Variants in ELAPOR2 observed in about 807,000 individuals in gnomAD.
ELAPOR2 encodes endosome/lysosome-associated apoptosis and autophagy regulator family member 2.
A neutral mutation model predicts 120.7 loss-of-function variants in ELAPOR2; 89 were observed. The observed-to-expected ratio is 0.74, with a 90% CI of 0.62 to 0.88. The LOEUF is 0.88. ELAPOR2 is among the 40% of genes least tolerant of loss of function. The pLI, the probability that ELAPOR2 is intolerant of heterozygous loss-of-function variation, is 0.00. For missense variants in ELAPOR2, 1,134 were observed against 1,251.6 expected (o/e 0.91, Z 1.42); for synonymous variants, 444 against 444.9 (o/e 1.00, Z 0.03).
intron 1 of ELAPOR2, among the ~76,000 whole-genome samples, chr7:87,031,802 T>A (rs896752156): frequency 1.3e-5 from 2 of 152,098 alleles, no homozygotes; most frequent in African/African-American, 4.8e-5. Flanking sequence ...AATAGGTATA[T>A]TAAATAACAA....
At chr7:86,993,064 T>C (rs547134609) in intron 1 of ELAPOR2, among the ~76,000 whole-genome samples, 2 of 151,820 alleles carry the variant, frequency 1.3e-5, no homozygotes, top group African/African-American at 2.4e-5. Context: ...GGTGAAACCC[T>C]GTCTCTACTA....
chr7:87,013,167 T>A (rs1208139579), intron 1 of ELAPOR2, among the ~76,000 whole-genome samples: 1 of 152,204 alleles, frequency 6.6e-6, no homozygotes, highest in Non-Finnish European at 1.5e-5. Flanking sequence ...GTCTACTTTA[T>A]ATCACAGTTT....
At position 87,031,040 on chromosome 7, in the gene ELAPOR2, C is replaced by T. The variant is rs575569304; in HGVS notation, c.189+28285G>A. On this transcript the variant is annotated intron_variant, in intron 1 of 21. Transcript: ENST00000450689. Reference sequence around the variant, plus strand: ...ATCGCATGAGACTTATTCACTACCACGAGAACAGTATGGGGAAACCACCCC... The same window carrying T: ...ATCGCATGAGACTTATTCACTACCATGAGAACAGTATGGGGAAACCACCCC... Among the ~76,000 whole-genome samples the T allele has an allele frequency of 9.2e-5, 14 of 152,194 alleles. No individual in the cohort carries two copies. In the East Asian group the frequency reaches 1.5e-3, roughly 17 times the overall value.
chr7:86,987,221 A>G (rs1381503848), intron 1 of ELAPOR2, among the ~76,000 whole-genome samples: 1 of 152,198 alleles, frequency 6.6e-6, no homozygotes, highest in Non-Finnish European at 1.5e-5. Context: ...ATTTAAATGT[A>G]TGATCTAAAA....
At chr7:86,917,136 T>C (rs950112840) in intron 12 of ELAPOR2, among the ~76,000 whole-genome samples, 8 of 151,642 alleles carry the variant, frequency 5.3e-5, no homozygotes, top group Non-Finnish European at 1.0e-4. Flanking sequence ...AAGGATAATT[T>C]TAGTTGGGCG....
rs1799249067 is a variant in ELAPOR2, at chr7:86,878,385, A to T, written c.*2086T>A. 1 of 152,240 alleles carries T rather than the reference A, an allele frequency of 6.6e-6. No individual in the cohort carries two copies. Among genetic ancestry groups the T allele is most frequent in the African/African-American group, 2.4e-5 (1 of 41,462 alleles). 9.4% of individuals were successfully genotyped at this position (152,240 alleles called of 1,614,324 possible). On this transcript the variant is annotated 3_prime_UTR_variant, in exon 22 of 22. Coordinates refer to ENST00000450689, the MANE Select transcript of ELAPOR2 (RefSeq NM_001142749.3). Reference sequence around the variant, plus strand: ...TGCTGACAAAATATATTTAATATCTAAAATTAGAAATAAAATAAATTCTCC... The same window carrying T: ...TGCTGACAAAATATATTTAATATCTTAAATTAGAAATAAAATAAATTCTCC...
chr7:86,890,086 T>C (rs997452181), intron 21 of ELAPOR2, among the ~76,000 whole-genome samples: 70 of 151,810 alleles, frequency 4.6e-4, no homozygotes, highest in African/African-American at 1.5e-3. Flanking sequence ...ATCAGAATGG[T>C]GCATGGAGTG....
chr7:87,052,965 T>C (rs967686907), intron 1 of ELAPOR2, among the ~76,000 whole-genome samples: 4 of 152,028 alleles, frequency 2.6e-5, no homozygotes, highest in Non-Finnish European at 2.9e-5. Flanking sequence ...CCCAGCTGAT[T>C]TTTTTATTTT....
chr7:87,023,874 G>C (rs1288554520), intron 1 of ELAPOR2, among the ~76,000 whole-genome samples: 1 of 152,010 alleles, frequency 6.6e-6, no homozygotes, highest in Admixed American at 6.6e-5. Flanking sequence ...TTTGTCTGTT[G>C]TTGGTGTATA....
intron 1 of ELAPOR2, among the ~76,000 whole-genome samples, chr7:87,054,143 A>C (rs1795195497): frequency 6.6e-6 from 1 of 152,204 alleles, no homozygotes; most frequent in Admixed American, 6.5e-5. Context: ...GAAAGGCAAA[A>C]AGGAAAGAGA....
rs762981487 is a variant in ELAPOR2, at chr7:86,913,138, C to T, written c.1798G>A (p.Val600Met). Residue 600 changes from valine to methionine, a missense_variant, in exon 14 of 22, where the codon GTG becomes ATG. By Grantham distance (21) the Val-to-Met change is conservative. Around this residue, in one of 3 missense-constraint regions of ELAPOR2, gnomAD observed 831 missense variants for 867.6 expected, o/e 0.96. Coordinates refer to ENST00000450689, the MANE Select transcript of ELAPOR2 (RefSeq NM_001142749.3). Reference sequence around the variant, plus strand: ...GCACAGGCACGGCATGAGGACGCCACCCCATCAACTGCATTAGTGGCTGTG... The same window carrying T: ...GCACAGGCACGGCATGAGGACGCCATCCCATCAACTGCATTAGTGGCTGTG... ...SITATNAVDG[V>M]ASSCRACALG... The T allele has an allele frequency of 8.1e-6, 13 of 1,613,886 alleles. No homozygotes were observed. The South Asian group carries it at 1.3e-4, about 16-fold the overall frequency.
chr7:86,993,925 C>T (rs1767695), intron 1 of ELAPOR2, among the ~76,000 whole-genome samples: 57,496 of 151,978 alleles, frequency 0.38, 11,706 homozygotes, highest in African/African-American at 0.53. Flanking sequence ...TTCCTATGAA[C>T]CTATTCAATA....
chr7:87,042,457 C>A (rs1794816940), intron 1 of ELAPOR2, among the ~76,000 whole-genome samples: 1 of 151,346 alleles, frequency 6.6e-6, no homozygotes, highest in Non-Finnish European at 1.5e-5. Flanking sequence ...ATGAGAATCT[C>A]ACTCAAAACC....
chr7:86,886,335 T>C (rs1297091308), intron 21 of ELAPOR2, among the ~76,000 whole-genome samples: 1 of 152,108 alleles, frequency 6.6e-6, no homozygotes, highest in Non-Finnish European at 1.5e-5. Flanking sequence ...ATCCTTTGAA[T>C]TGGACCCAAA....
intron 5 of ELAPOR2, among the ~76,000 whole-genome samples, 196 bp from the exon 6 acceptor site, chr7:86,940,311 A>G (rs1162164334): frequency 1.3e-5 from 2 of 152,092 alleles, no homozygotes; most frequent in Admixed American, 1.3e-4. Context: ...GGAGTTTGCT[A>G]ATCCACAAAA....
intron 1 of ELAPOR2, among the ~76,000 whole-genome samples, chr7:87,033,478 G>T (rs1158389823): frequency 6.6e-6 from 1 of 152,180 alleles, no homozygotes; most frequent in African/African-American, 2.4e-5. Context: ...GCAGAAAAAT[G>T]TCATGGAAAA....
chr7:86,972,585 A>T (rs765646411), intron 1 of ELAPOR2, among the ~76,000 whole-genome samples: 2 of 148,402 alleles, frequency 1.3e-5, no homozygotes, highest in East Asian at 3.9e-4. Flanking sequence ...ATCAAGTAAG[A>T]AAAAAAAAAA....
chr7:86,950,418 A>C (rs541093529), intron 2 of ELAPOR2, among the ~76,000 whole-genome samples: 1 of 152,224 alleles, frequency 6.6e-6, no homozygotes, highest in African/African-American at 2.4e-5. Context: ...CCAGACCTGG[A>C]AGCTCCCCAA....
At chr7:86,922,819 A>G (rs1462623110) in intron 10 of ELAPOR2, among the ~76,000 whole-genome samples, 1 of 151,872 alleles carries the variant, frequency 6.6e-6, no homozygotes, top group Admixed American at 6.6e-5. Flanking sequence ...CTATATATTC[A>G]ATATTTTTCT....
Sources: allele counts gnomAD v4.1 joint callset (sites outside exome capture counted in the v4.1 genomes callset), GRCh38; gene constraint gnomAD v4.1.1; regional missense constraint gnomAD v4.1.1; transcripts MANE v1.5; gene names NCBI Gene and HGNC (gene_info 2026-07-23, HGNC 2026-07-21).